PCED1B: variants seen among roughly 807,000 people sequenced by gnomAD.
PCED1B encodes PC-esterase domain-containing protein 1B.
For missense variants in PCED1B, 573 were observed against 573.9 expected, an observed-to-expected ratio of 1.00 and a Z score of 0.02; for synonymous variants, 251 against 246.1, an observed-to-expected ratio of 1.02 and a Z score of -0.19.
intron 2 of PCED1B, among the ~76,000 whole-genome samples, chr12:47,125,022 G>T (rs890453703): frequency 3.9e-5 from 6 of 151,980 alleles, no homozygotes; most frequent in Non-Finnish European, 7.4e-5. Context: ...TTTTGGTGAA[G>T]TCCAACATAC....
chr12:47,109,029 A>G (rs955664043), intron 2 of PCED1B, among the ~76,000 whole-genome samples: 1 of 152,234 alleles, frequency 6.6e-6, no homozygotes, highest in Non-Finnish European at 1.5e-5. Flanking sequence ...TGAAATGAAA[A>G]CTAAAATAAA....
chr12:47,138,977 C>CT (rs1334707383), intron 2 of PCED1B, among the ~76,000 whole-genome samples: 1 of 151,982 alleles, frequency 6.6e-6, no homozygotes, highest in East Asian at 1.9e-4. Flanking sequence ...TGCTTTTTTT[C>CT]TTTAAGCATT....
At position 47,111,778 on chromosome 12, in the gene PCED1B, G is replaced by A. The variant is rs148491461; in HGVS notation, c.-526+7583G>A. On this transcript the variant is annotated intron_variant, in intron 2 of 3. Transcript: ENST00000546455. ...ATAAATACTTCCAAGTGTCTCATAA[G>A]CAACCAGCTGTGCTTGTTCTAGCTG... Among the ~76,000 whole-genome samples, 6 of 152,268 alleles carry A rather than the reference G, an allele frequency of 3.9e-5. No homozygotes were observed. The East Asian group carries it at 1.2e-3, about 29-fold the overall frequency.
intron 2 of PCED1B, among the ~76,000 whole-genome samples, chr12:47,124,328 C>T (rs1939799437): frequency 6.6e-6 from 1 of 151,954 alleles, no homozygotes; most frequent in African/African-American, 2.4e-5. Context: ...AAGATTCATG[C>T]ATGTTGTTTT....
intron 2 of PCED1B, chr12:47,210,772 T>TAATAATAATAAATAAATATATTTCAGAGA (rs1338791262): frequency 4.0e-5 from 6 of 151,896 alleles, no homozygotes; most frequent in African/African-American, 1.5e-4. Context: ...CTGAAAAAAG[T>TAATAATAATAAATAAATATATTTCAGAGA]AATAATAATA....
At chr12:47,187,414 A>C (rs1181539480) in intron 2 of PCED1B, among the ~76,000 whole-genome samples, 1 of 152,202 alleles carries the variant, frequency 6.6e-6, no homozygotes. Flanking sequence ...CCATCTCTAC[A>C]TCAAGGGGAT....
chr12:47,215,038 G>A (rs1033729745), intron 2 of PCED1B, among the ~76,000 whole-genome samples: 1 of 149,926 alleles, frequency 6.7e-6, no homozygotes, highest in African/African-American at 2.5e-5. Context: ...GGGAACCTGG[G>A]GGTGGTATAT....
intron 2 of PCED1B, among the ~76,000 whole-genome samples, chr12:47,171,467 T>C (rs573649887): frequency 6.6e-6 from 1 of 152,344 alleles, no homozygotes; most frequent in African/African-American, 2.4e-5. Flanking sequence ...TTTTTAAAGA[T>C]TGCTTATTTA....
chr12:47,111,805 G>C (rs1418918188), intron 2 of PCED1B, among the ~76,000 whole-genome samples: 1 of 152,116 alleles, frequency 6.6e-6, no homozygotes, highest in African/African-American at 2.4e-5. Context: ...TTCTAGCTGA[G>C]GTACCTCGGT....
chr12:47,082,149 C>A (rs910773167), intron 1 of PCED1B, among the ~76,000 whole-genome samples: 2 of 152,198 alleles, frequency 1.3e-5, no homozygotes, highest in African/African-American at 4.8e-5. Flanking sequence ...AGCATCCCTT[C>A]TCCTTCTAAC....
chr12:47,155,725 C>T (rs1216222206), intron 2 of PCED1B, among the ~76,000 whole-genome samples: 1 of 152,172 alleles, frequency 6.6e-6, no homozygotes, highest in Non-Finnish European at 1.5e-5. Context: ...AGCTAGGTCT[C>T]CCTTCAAAGC....
intron 2 of PCED1B, among the ~76,000 whole-genome samples, chr12:47,177,018 G>A (rs1941945842): frequency 6.6e-6 from 1 of 152,232 alleles, no homozygotes. Context: ...AAGTAGCAGA[G>A]AGAAAACAAA....
chr12:47,181,066 C>A (rs1187522540), intron 2 of PCED1B, among the ~76,000 whole-genome samples: 1 of 151,884 alleles, frequency 6.6e-6, no homozygotes, highest in Non-Finnish European at 1.5e-5. Context: ...CTCACTACAG[C>A]CTCAACCTCC....
At chr12:47,200,137 G>A (rs1942720323) in intron 2 of PCED1B, among the ~76,000 whole-genome samples, 1 of 151,872 alleles carries the variant, frequency 6.6e-6, no homozygotes, top group African/African-American at 2.4e-5. Context: ...GGAGGTTGTA[G>A]TGAACCAAGT....
At chr12:47,086,956 G>A (rs1356069314) in intron 1 of PCED1B, among the ~76,000 whole-genome samples, 1 of 152,152 alleles carries the variant, frequency 6.6e-6, no homozygotes, top group Non-Finnish European at 1.5e-5. Context: ...CTAATTTGAA[G>A]CAGCCATTAT....
At chr12:47,145,477 C>A (rs1282344439) in intron 2 of PCED1B, among the ~76,000 whole-genome samples, 1 of 152,220 alleles carries the variant, frequency 6.6e-6, no homozygotes, top group Non-Finnish European at 1.5e-5. Context: ...AAAATCCCGT[C>A]TAGGACTTGC....
At chr12:47,161,951 A>G (rs1388733676) in intron 2 of PCED1B, among the ~76,000 whole-genome samples, 1 of 152,208 alleles carries the variant, frequency 6.6e-6, no homozygotes, top group Admixed American at 6.5e-5. Flanking sequence ...GGATGAATTC[A>G]TGTCCTTTGT....
At chr12:47,080,851 C>T (rs528912372) in intron 1 of PCED1B, among the ~76,000 whole-genome samples, 46 of 152,048 alleles carry the variant, frequency 3.0e-4, no homozygotes, top group Non-Finnish European at 6.0e-4. Context: ...TCTCTCATTT[C>T]CTCTGTCTCT....
At chr12:47,194,286 T>C (rs1297601640) in intron 2 of PCED1B, among the ~76,000 whole-genome samples, 2 of 152,212 alleles carry the variant, frequency 1.3e-5, no homozygotes, top group African/African-American at 4.8e-5. Context: ...GTGATTCTCC[T>C]GCCTCAGCCT....
Sources: allele counts gnomAD v4.1 joint callset (sites outside exome capture counted in the v4.1 genomes callset), GRCh38; gene constraint gnomAD v4.1.1; transcripts MANE v1.5; gene names NCBI Gene and HGNC (gene_info 2026-07-23, HGNC 2026-07-21).